The following ACADM variants were observed in gnomAD, a reference collection of about 807,000 sequenced individuals.
ACADM encodes the protein medium-chain specific acyl-CoA dehydrogenase, mitochondrial.
ACADM carries 49 observed loss-of-function variants against 58.9 expected under a neutral mutation model. That is an observed-to-expected ratio of 0.83 (90% CI 0.66 to 1.06). The LOEUF (loss-of-function observed/expected upper bound fraction) is 1.06. Ranked by LOEUF, ACADM falls within the 50% of genes least tolerant of loss-of-function variation. The pLI is 0.00. For missense variants in ACADM, 496 were observed against 507.0 expected, an observed-to-expected ratio of 0.98 and a Z score of 0.21; for synonymous variants, 160 against 157.7, an observed-to-expected ratio of 1.01 and a Z score of -0.11.
chr1:75,753,795 C>CT lies in ACADM; in HGVS notation c.945+3268dup, dbSNP rs71071962. ...GCACTCTGCAAAATGCTGATAGCTT[C>CT]TTTTTTTTTTTTTTTTTTTGAGACA... On this transcript the variant is annotated intron_variant, in intron 10 of 11. Coordinates refer to ENST00000370841, the MANE Select transcript of ACADM (RefSeq NM_000016.6). Among the ~76,000 whole-genome samples the CT allele has an allele frequency of 5.3e-3, 432 of 81,894 alleles. 29 individuals carry two copies. The highest frequency in any genetic ancestry group is 0.017 in the East Asian group (59 of 3,542). The allele number at this position is 81,894 out of a possible 152,430, so 53.7% of individuals were successfully genotyped here.
intron 2 of ACADM, among the ~76,000 whole-genome samples, chr1:75,730,543 C>CTT (rs34314755): frequency 1.1e-4 from 16 of 141,696 alleles, no homozygotes; most frequent in South Asian, 4.5e-4. Flanking sequence ...GTCATTTTTC[C>CTT]TTTTTTTTTT....
In ACADM at chr1:75,753,676, A is replaced by G. The variant is rs74604587; in HGVS notation, c.945+3130A>G. Among the ~76,000 whole-genome samples, 1,153 of 151,648 alleles carry G rather than the reference A, an allele frequency of 7.6e-3. 10 individuals are homozygous for G. The highest frequency in any genetic ancestry group is 0.027 in the African/African-American group (1,105 of 41,388). The stretch of plus-strand genomic sequence containing the variant: ...TATAAATTCTAAAGATTTTTTTCTT[A>G]TTAAATATTGAAAAATCTTAGTTTT... On this transcript the variant is annotated intron_variant, in intron 10 of 11. Coordinates refer to ENST00000370841, the MANE Select transcript of ACADM (RefSeq NM_000016.6).
chr1:75,733,330 A>G (rs1477037362), intron 4 of ACADM, 198 bp from the exon 5 acceptor site: 2 of 1,104,238 alleles, frequency 1.8e-6, no homozygotes, highest in Non-Finnish European at 2.5e-6. Flanking sequence ...CAAATAGTAA[A>G]ATAATTTTTT....
intron 9 of ACADM, 150 bp downstream of exon 9, chr1:75,749,709 T>TTTA: frequency 1.4e-6 from 1 of 730,584 alleles, no homozygotes; most frequent in Non-Finnish European, 2.1e-6. Flanking sequence ...GTTACTTTTC[T>TTTA]TTCTTTTTTT....
chr1:75,724,759 T>G lies in ACADM; in HGVS notation c.-29T>G. On this transcript the variant is annotated 5_prime_UTR_variant, in exon 1 of 12. Coordinates refer to ENST00000370841, the MANE Select transcript of ACADM (RefSeq NM_000016.6). The stretch of plus-strand genomic sequence containing the variant: ...TGTCAAGGCCGTGACCCGTGTATTA[T>G]TGTCCGAGTGGCCGGAACGGGAGCC... 6.5e-7 allele frequency: 1 copy of G among 1,534,906 alleles called. No homozygotes were observed.
intron 10 of ACADM, 137 bp downstream of exon 10, chr1:75,750,683 G>A: frequency 1.4e-6 from 1 of 714,518 alleles, no homozygotes; most frequent in Non-Finnish European, 2.5e-6. Flanking sequence ...ATCAAGATGA[G>A]TTTCAAAGAC....
intron 6 of ACADM, among the ~76,000 whole-genome samples, chr1:75,736,896 C>T (rs574046211): frequency 1.3e-5 from 2 of 152,086 alleles, no homozygotes; most frequent in Admixed American, 6.5e-5. Context: ...TAACAGTTAG[C>T]CCCCATTATA....
At chr1:75,752,890 T>C (rs1243398474) in intron 10 of ACADM, among the ~76,000 whole-genome samples, 1 of 152,190 alleles carries the variant, frequency 6.6e-6, no homozygotes, top group Admixed American at 6.5e-5. Flanking sequence ...ATTTTAGAAA[T>C]TGGCTTTTGT....
chr1:75,724,712 G>A lies in ACADM; in HGVS notation c.-76G>A. ...ACGGGCTCCAGTGGGCGGGACCAGA[G>A]GAGTCCCGCGTTCGGGGAGTATGTC... On this transcript the variant is annotated 5_prime_UTR_variant, in exon 1 of 12. Coordinates refer to ENST00000370841, the MANE Select transcript of ACADM (RefSeq NM_000016.6). 19 of 1,501,156 alleles carry A rather than the reference G, an allele frequency of 1.3e-5. No homozygotes were observed. The highest frequency in any genetic ancestry group is 2.0e-5 in the Admixed American group (1 of 50,142). 93.0% of individuals were successfully genotyped at this position (1,501,156 alleles called of 1,614,324 possible).
intron 10 of ACADM, among the ~76,000 whole-genome samples, chr1:75,751,800 A>G (rs1267310309): frequency 6.6e-6 from 1 of 151,994 alleles, no homozygotes. Context: ...CGCCTGGCCT[A>G]TGTTATACTC....
Position 75,739,992 on chromosome 1 carries a change from A to G in ACADM, c.481A>G (p.Thr161Ala). 6.2e-7 allele frequency: 1 copy of G among 1,611,298 alleles called. No individual in the cohort carries two copies. The highest frequency in any genetic ancestry group is 8.5e-7 in the Non-Finnish European group (1 of 1,178,110). Residue 161 changes from threonine to alanine, a missense_variant, in exon 7 of 12, where the codon ACA (threonine) becomes GCA (alanine). By Grantham distance (58) the Thr-to-Ala change is moderately conservative. Transcript: ENST00000370841. Reference protein sequence around the residue: ...EEPLMCAYCVTEPGAGSDVAG... With the variant: ...EEPLMCAYCVAEPGAGSDVAG... Reference sequence around the variant, plus strand: ...TTATATATTCAAGGCTTATTGTGTAACAGAACCTGGAGCAGGCTCTGATGT... The same window carrying G: ...TTATATATTCAAGGCTTATTGTGTAGCAGAACCTGGAGCAGGCTCTGATGT...
Position 75,734,825 on chromosome 1 carries a change from A to T in ACADM, c.422A>T (p.Gln141Leu), listed in dbSNP as rs2100370786. 1 of 1,613,986 alleles carries T rather than the reference A, an allele frequency of 6.2e-7. No individual in the cohort carries two copies. Among genetic ancestry groups the T allele is most frequent in the East Asian group, 2.2e-5 (1 of 44,862 alleles). ...ATTATTATTGCTGGAAATGATCAAC[A>T]AAAGAAGAAGTATTTGGGGAGAATG... is the stretch of plus-strand genomic sequence containing the variant. ...MPIIIAGNDQ[Q>L]KKKYLGRMTE... Residue 141 changes from glutamine to leucine, a missense_variant, in exon 6 of 12, where the codon CAA (glutamine) becomes CTA (leucine). Physicochemically the swap from Gln to Leu is moderately radical, Grantham distance 113. Coordinates refer to ENST00000370841, the MANE Select transcript of ACADM (RefSeq NM_000016.6).
intron 6 of ACADM, among the ~76,000 whole-genome samples, chr1:75,736,763 A>G (rs1647280748): frequency 6.6e-6 from 1 of 152,230 alleles, no homozygotes; most frequent in South Asian, 2.1e-4. Flanking sequence ...AATACTGAGT[A>G]TAGAAAATTT....
chr1:75,742,006 TTTTA>T (rs1421005373), intron 7 of ACADM, among the ~76,000 whole-genome samples: 10 of 152,198 alleles, frequency 6.6e-5, no homozygotes, highest in Non-Finnish European at 1.2e-4. Context: ...TGGATCTCCA[TTTTA>T]TTTATTTATT....
chr1:75,751,707 C>T (rs1335690970), intron 10 of ACADM, among the ~76,000 whole-genome samples: 1 of 151,980 alleles, frequency 6.6e-6, no homozygotes, highest in African/African-American at 2.4e-5. Flanking sequence ...TTATGTTGGC[C>T]AGGCTGGTGT....
At chr1:75,758,774 TTG>T (rs1371791935) in intron 10 of ACADM, among the ~76,000 whole-genome samples, 1 of 152,104 alleles carries the variant, frequency 6.6e-6, no homozygotes, top group Non-Finnish European at 1.5e-5. Flanking sequence ...AGCTAAAGGA[TTG>T]TAAATGCACC....
intron 8 of ACADM, among the ~76,000 whole-genome samples, chr1:75,747,140 T>C (rs1172727384): frequency 6.6e-6 from 1 of 152,210 alleles, no homozygotes; most frequent in Non-Finnish European, 1.5e-5. Flanking sequence ...TTAGGGATAG[T>C]TGCTAGCAAA....
At chr1:75,742,598 A>G (rs1432596598) in intron 7 of ACADM, among the ~76,000 whole-genome samples, 1 of 152,168 alleles carries the variant, frequency 6.6e-6, no homozygotes, top group Non-Finnish European at 1.5e-5. Flanking sequence ...TTCCACTGCC[A>G]TGATGTGCTA....
At chr1:75,726,234 C>G (rs1365438707) in intron 1 of ACADM, among the ~76,000 whole-genome samples, 1 of 152,000 alleles carries the variant, frequency 6.6e-6, no homozygotes, top group Admixed American at 6.6e-5. Context: ...GCAGGGAAAC[C>G]CTGTCTTTAC....
Sources: allele counts gnomAD v4.1 joint callset (sites outside exome capture counted in the v4.1 genomes callset), GRCh38; gene constraint gnomAD v4.1.1; transcripts MANE v1.5; gene names NCBI Gene and HGNC (gene_info 2026-07-23, HGNC 2026-07-21).